Variants in PTBP3 observed in about 807,000 individuals in gnomAD.
The protein encoded by PTBP3 is polypyrimidine tract-binding protein 3.
Under a neutral mutation model 58.7 loss-of-function variants are expected in PTBP3, and 20 were observed. The observed-to-expected ratio is 0.34, with a 90% CI of 0.24 to 0.50. The LOEUF is 0.50. Among genes scored for constraint, PTBP3 ranks in the 20% least tolerant of loss-of-function variants. PTBP3 has a pLI of 0.98. For synonymous variants in PTBP3, 185 were observed against 219.8 expected, an observed-to-expected ratio of 0.84 and a Z score of 1.40; for missense variants, 509 against 637.2, an observed-to-expected ratio of 0.80 and a Z score of 2.17.
intron 2 of PTBP3, among the ~76,000 whole-genome samples, chr9:112,286,061 C>A (rs1828101470): frequency 6.6e-6 from 1 of 152,168 alleles, no homozygotes; most frequent in African/African-American, 2.4e-5. Context: ...TGAAATGTCT[C>A]TCTTTATCCC....
At chr9:112,277,931 CATAACATAACATAAT>C (rs780917035) in intron 2 of PTBP3, among the ~76,000 whole-genome samples, 2,033 of 83,520 alleles carry the variant, frequency 0.024, 28 homozygotes, top group African/African-American at 0.044. Context: ...CATAACATAA[CATAACATAACATAAT>C]ATAACATAAC....
chr9:112,261,503 C>T (rs1414991556), intron 5 of PTBP3, among the ~76,000 whole-genome samples: 8 of 152,178 alleles, frequency 5.3e-5, no homozygotes, highest in African/African-American at 1.9e-4. Flanking sequence ...CACACACACA[C>T]CTCTATGACT....
chr9:112,349,209 G>C, the PTBP3 span, among the ~76,000 whole-genome samples: 2 of 152,232 alleles, frequency 1.3e-5, no homozygotes, highest in East Asian at 3.9e-4. Context: ...TGAACAATCA[G>C]ATTTGATGAG....
At chr9:112,282,103 T>C (rs534751263) in intron 2 of PTBP3, among the ~76,000 whole-genome samples, 64 of 152,298 alleles carry the variant, frequency 4.2e-4, no homozygotes, top group African/African-American at 1.5e-3. Context: ...ACCTTCATCA[T>C]GTAATCTAAA....
chr9:112,370,543 T>A, the PTBP3 span, among the ~76,000 whole-genome samples: 2 of 152,020 alleles, frequency 1.3e-5, no homozygotes, highest in Non-Finnish European at 2.9e-5. Flanking sequence ...CCCGTTTCAA[T>A]TAAAAAAAAA....
At chr9:112,309,800 A>C (rs1020217446) in intron 1 of PTBP3, among the ~76,000 whole-genome samples, 2 of 150,982 alleles carry the variant, frequency 1.3e-5, no homozygotes, top group Non-Finnish European at 3.0e-5. Context: ...AAAAAAAAAA[A>C]AAAATTGAGT....
At chr9:112,358,609 CA>C in the PTBP3 span, among the ~76,000 whole-genome samples, 1 of 152,078 alleles carries the variant, frequency 6.6e-6, no homozygotes, top group South Asian at 2.1e-4. Flanking sequence ...CTTTTTATGG[CA>C]AATACCATTC....
the PTBP3 span, among the ~76,000 whole-genome samples, chr9:112,374,983 G>A: frequency 6.6e-6 from 1 of 152,210 alleles, no homozygotes; most frequent in African/African-American, 2.4e-5. Context: ...AGTGGCTGTA[G>A]CCAGGTCAGC....
At chr9:112,269,196 C>CAAAA (rs5899997) in intron 3 of PTBP3, among the ~76,000 whole-genome samples, 3 of 91,274 alleles carry the variant, frequency 3.3e-5, no homozygotes, top group African/African-American at 4.2e-5. Flanking sequence ...AACTCTGTCT[C>CAAAA]AAAAAAAAAA....
the PTBP3 span, chr9:112,362,927 G>T: frequency 1.5e-3 from 400 of 275,520 alleles, 3 homozygotes; most frequent in African/African-American, 8.5e-3. Flanking sequence ...CTGCCCAGCG[G>T]CTTCTGGAAG....
Position 112,290,687 on chromosome 9 carries a change from A to AT in PTBP3, c.34+7144_34+7145insA, listed in dbSNP as rs1554799395. ...ACTCTGTCTTTAAAAAAAAAAAAAA[A>AT]ATATATATATATATATATATACACA... On this transcript the variant is annotated intron_variant, in intron 2 of 13. Coordinates refer to ENST00000374257, the MANE Select transcript of PTBP3 (RefSeq NM_001163788.4). 1.9e-3 allele frequency among the ~76,000 whole-genome samples: 162 copies of AT among 84,938 alleles called. 1 individual carries two copies. The highest frequency in any genetic ancestry group is 3.5e-3 in the African/African-American group (60 of 16,936). 55.7% of individuals were successfully genotyped at this position (84,938 alleles called of 152,430 possible).
At chr9:112,319,232 A>T (rs1424223522) in intron 1 of PTBP3, among the ~76,000 whole-genome samples, 1 of 151,912 alleles carries the variant, frequency 6.6e-6, no homozygotes, top group Admixed American at 6.6e-5. Flanking sequence ...ATTACAAAAC[A>T]CTGAAGACGG....
chr9:112,278,209 T>G (rs758171825), intron 2 of PTBP3, among the ~76,000 whole-genome samples: 2 of 152,152 alleles, frequency 1.3e-5, no homozygotes, highest in Non-Finnish European at 2.9e-5. Context: ...GTAAGTGACT[T>G]GACACTGACA....
At position 112,221,551 on chromosome 9, in the gene PTBP3, A is replaced by G. The variant is rs1834806887; in HGVS notation, c.*2300T>C. 1 of 985,644 alleles carries G rather than the reference A, an allele frequency of 1.0e-6. No homozygotes were observed. Among genetic ancestry groups the G allele is most frequent in the African/African-American group, 1.7e-5 (1 of 57,246 alleles). The allele number at this position is 985,644 out of a possible 1,614,324, so 61.1% of individuals were successfully genotyped here. On this transcript the variant is annotated 3_prime_UTR_variant, in exon 14 of 14. Coordinates refer to ENST00000374257, the MANE Select transcript of PTBP3 (RefSeq NM_001163788.4). ...TAATAGTGCCTGTGTGGAAGGGAAA[A>G]AAAAGCAAGTTTTGGGAGATTTTGC... is the stretch of plus-strand genomic sequence containing the variant.
rs527954455 is a variant in PTBP3, at chr9:112,280,748, CGT to C, written c.35-4737_35-4736del. 4.4e-5 allele frequency among the ~76,000 whole-genome samples: 6 copies of C among 135,388 alleles called. No individual in the cohort carries two copies. The East Asian group carries it at 6.4e-4, about 14-fold the overall frequency. The allele number at this position is 135,388 out of a possible 152,430, so 88.8% of individuals were successfully genotyped here. The stretch of plus-strand genomic sequence containing the variant: ...ATGATTTTTTTCCTCACTCTTCATA[CGT>C]GTGTGTCTGTGTGTGTATGTGTGTG... On this transcript the variant is annotated intron_variant, in intron 2 of 13. Coordinates refer to ENST00000374257, the MANE Select transcript of PTBP3 (RefSeq NM_001163788.4).
At chr9:112,313,932 G>GA (rs1829593804) in intron 1 of PTBP3, among the ~76,000 whole-genome samples, 1 of 152,006 alleles carries the variant, frequency 6.6e-6, no homozygotes, top group African/African-American at 2.4e-5. Context: ...AAACATTTGG[G>GA]AAAAAAAGTT....
At chr9:112,275,430 C>T (rs183937553) in intron 3 of PTBP3, among the ~76,000 whole-genome samples, 4 of 152,248 alleles carry the variant, frequency 2.6e-5, no homozygotes, top group Admixed American at 6.5e-5. Flanking sequence ...CCACTGCACC[C>T]GGCCGACAAT....
the PTBP3 span, among the ~76,000 whole-genome samples, chr9:112,348,896 C>T: frequency 6.6e-6 from 1 of 152,196 alleles, no homozygotes; most frequent in Non-Finnish European, 1.5e-5. Context: ...AAACTCCACT[C>T]ACGGGTTGAG....
chr9:112,273,360 C>A (rs1391750775), intron 3 of PTBP3, among the ~76,000 whole-genome samples: 3 of 152,126 alleles, frequency 2.0e-5, no homozygotes, highest in Non-Finnish European at 4.4e-5. Context: ...TAAAAATGAT[C>A]AAGGTAGGAA....
Sources: gnomAD v4.1 joint callset for allele counts (sites outside exome capture counted in the v4.1 genomes callset) on GRCh38, gnomAD v4.1.1 for gene constraint, MANE v1.5 for transcripts, NCBI Gene and HGNC (gene_info 2026-07-23, HGNC 2026-07-21) for gene names.